The following ZNF385D variants were observed in gnomAD, a reference collection of about 807,000 sequenced individuals.
The protein encoded by ZNF385D is zinc finger protein 385D.
ZNF385D carries 15 observed loss-of-function variants against 35.8 expected under a neutral mutation model. That is an observed-to-expected ratio of 0.42 (90% CI 0.28 to 0.64). The LOEUF (loss-of-function observed/expected upper bound fraction) is 0.64. Among genes scored for constraint, ZNF385D ranks in the 30% least tolerant of loss-of-function variants. ZNF385D has a pLI of 0.23. For synonymous variants in ZNF385D, 212 were observed against 186.8 expected (o/e 1.13, Z -1.10); for missense variants, 474 against 494.6 (o/e 0.96, Z 0.39).
intron 3 of ZNF385D, among the ~76,000 whole-genome samples, chr3:22,008,074 A>C (rs530059475): frequency 1.3e-5 from 2 of 152,128 alleles, no homozygotes; most frequent in Admixed American, 6.5e-5. Context: ...TGAGAAGTAG[A>C]ATCCAATTTT....
chr3:21,912,410 A>G (rs1479971), intron 3 of ZNF385D, among the ~76,000 whole-genome samples: 8,299 of 152,116 alleles, frequency 0.055, 804 homozygotes, highest in Admixed American at 0.23. Flanking sequence ...CAATATTTAG[A>G]GAGACAAAAT....
At chr3:21,975,337 G>T (rs1000520341) in intron 3 of ZNF385D, among the ~76,000 whole-genome samples, 10 of 152,054 alleles carry the variant, frequency 6.6e-5, no homozygotes, top group Non-Finnish European at 1.5e-4. Flanking sequence ...CTCACTTATT[G>T]GTGGGAGCTA....
chr3:22,114,026 A>G (rs185072424), intron 3 of ZNF385D, among the ~76,000 whole-genome samples: 10 of 152,266 alleles, frequency 6.6e-5, no homozygotes, highest in African/African-American at 2.2e-4. Context: ...AATGTTTTAA[A>G]TATTAACAGT....
At chr3:21,666,239 A>C in intron 1 of ZNF385D, among the ~76,000 whole-genome samples, 1 of 152,338 alleles carries the variant, frequency 6.6e-6, no homozygotes, top group East Asian at 1.9e-4. Flanking sequence ...TGATTCCCCA[A>C]TGATAAATCC....
intron 3 of ZNF385D, among the ~76,000 whole-genome samples, chr3:22,141,975 C>A (rs1329952485): frequency 6.6e-6 from 1 of 152,156 alleles, no homozygotes; most frequent in South Asian, 2.1e-4. Context: ...CAACATTTAA[C>A]CACATGACTT....
intron 3 of ZNF385D, among the ~76,000 whole-genome samples, chr3:21,961,257 G>A (rs145473733): frequency 1.3e-5 from 2 of 151,946 alleles, no homozygotes; most frequent in Non-Finnish European, 2.9e-5. Flanking sequence ...ATATAAAAAA[G>A]GTCTTGGTAT....
rs1491256865 is a variant in ZNF385D, at chr3:22,094,385, G to GAGATATATATATATATATATATAT, written c.325+74431_325+74432insATATATATATATATATATATATCT. 5.0e-3 allele frequency among the ~76,000 whole-genome samples: 355 copies of GAGATATATATATATATATATATAT among 70,588 alleles called. 2 individuals carry two copies. The highest frequency in any genetic ancestry group is 7.5e-3 in the Non-Finnish European group (227 of 30,208). The allele number at this position is 70,588 out of a possible 152,430, so 46.3% of individuals were successfully genotyped here. ...CCATTGTCTTCTGTCATTTATTGTTGATATATATATATATATATATATATA... is the reference window on the plus strand; with the variant it reads ...CCATTGTCTTCTGTCATTTATTGTTGAGATATATATATATATATATATATATATATATATATATATATATATATA... On this transcript the variant is annotated intron_variant, in intron 3 of 5. Coordinates refer to the ZNF385D transcript ENST00000494108.
intron 2 of ZNF385D, among the ~76,000 whole-genome samples, chr3:22,221,635 G>A (rs562753468): frequency 6.6e-5 from 10 of 152,108 alleles, no homozygotes; most frequent in Non-Finnish European, 1.0e-4. Flanking sequence ...GTAGCTGTGC[G>A]TTTTTGATCC....
chr3:21,999,360 T>C (rs1308579085), intron 3 of ZNF385D, among the ~76,000 whole-genome samples: 1 of 152,256 alleles, frequency 6.6e-6, no homozygotes, highest in African/African-American at 2.4e-5. Flanking sequence ...TCTGATGTTA[T>C]AGACAACTTT....
intron 2 of ZNF385D, among the ~76,000 whole-genome samples, chr3:22,199,180 G>T (rs940757671): frequency 6.6e-6 from 1 of 151,960 alleles, no homozygotes; most frequent in African/African-American, 2.4e-5. Context: ...CCATTTTAAG[G>T]TCTGAAGTTT....
At chr3:22,171,876 CAAAAAAAAAAAA>C (rs370469654) in intron 2 of ZNF385D, among the ~76,000 whole-genome samples, 2 of 100,790 alleles carry the variant, frequency 2.0e-5, no homozygotes. Flanking sequence ...GACTCGGTCT[CAAAAAAAAAAAA>C]AAAAAAAAAA....
At chr3:21,444,145 T>A (rs111241124) in intron 4 of ZNF385D, among the ~76,000 whole-genome samples, 85 of 146,534 alleles carry the variant, frequency 5.8e-4, no homozygotes, top group African/African-American at 2.1e-3. Context: ...AGTTGCACAA[T>A]CTCGGCCCAC....
At chr3:21,562,042 G>C (rs932750235) in intron 3 of ZNF385D, 2 of 131,584 alleles carry the variant, frequency 1.5e-5, no homozygotes, top group African/African-American at 6.4e-5. Context: ...AAAGTGATTA[G>C]TCCATATCTC....
chr3:21,859,930 G>T (rs1046295932), intron 3 of ZNF385D, among the ~76,000 whole-genome samples: 1 of 151,862 alleles, frequency 6.6e-6, no homozygotes, highest in Non-Finnish European at 1.5e-5. Flanking sequence ...AGGATGTCAC[G>T]CTCTGCATCC....
At chr3:21,818,492 T>C (rs1553675790) in intron 3 of ZNF385D, among the ~76,000 whole-genome samples, 1 of 152,184 alleles carries the variant, frequency 6.6e-6, no homozygotes, top group Non-Finnish European at 1.5e-5. Flanking sequence ...TTAATTTGGG[T>C]GTTATCATAA....
intron 2 of ZNF385D, among the ~76,000 whole-genome samples, chr3:22,321,772 G>T (rs917823906): frequency 2.0e-5 from 3 of 151,858 alleles, no homozygotes; most frequent in African/African-American, 7.3e-5. Flanking sequence ...TCTTATGATT[G>T]CTGGTGTGAA....
intron 4 of ZNF385D, among the ~76,000 whole-genome samples, chr3:21,510,010 A>G (rs985375754): frequency 1.2e-4 from 19 of 152,210 alleles, no homozygotes; most frequent in African/African-American, 4.6e-4. Context: ...TTAAGACACT[A>G]TCATTGGTGA....
In ZNF385D at chr3:21,637,791, A is replaced by G. The variant is rs6782019; in HGVS notation, c.165+27095T>C. 5.9e-3 allele frequency among the ~76,000 whole-genome samples: 901 copies of G among 152,220 alleles called. 10 individuals are homozygous for G. Among genetic ancestry groups the G allele is most frequent in the African/African-American group, 0.021 (863 of 41,562 alleles). On this transcript the variant is annotated intron_variant, in intron 2 of 7. Transcript: ENST00000281523. ...ACGAAACCTAGATTCTAAATTTTAAATGAACTTAAATGAGTAACTCTCAGG... is the reference window on the plus strand; with the variant it reads ...ACGAAACCTAGATTCTAAATTTTAAGTGAACTTAAATGAGTAACTCTCAGG...
chr3:21,973,511 G>C (rs1252017488), intron 3 of ZNF385D, among the ~76,000 whole-genome samples: 3 of 152,140 alleles, frequency 2.0e-5, no homozygotes, highest in South Asian at 2.1e-4. Context: ...TCTGGGATGA[G>C]ACAAGGATGC....
Sources: gnomAD v4.1 joint callset for allele counts (sites outside exome capture counted in the v4.1 genomes callset) on GRCh38, gnomAD v4.1.1 for gene constraint, MANE v1.5 for transcripts, NCBI Gene and HGNC (gene_info 2026-07-23, HGNC 2026-07-21) for gene names.